Variants in MYCBP2 observed in about 807,000 individuals in gnomAD.
MYCBP2 encodes MYC binding protein 2.
Under a neutral mutation model 525.3 loss-of-function variants are expected in MYCBP2, and 120 were observed. The observed-to-expected ratio is 0.23, with a 90% CI of 0.20 to 0.27. MYCBP2 has a LOEUF of 0.27. Among genes scored for constraint, MYCBP2 ranks in the 10% least tolerant of loss-of-function variants. The probability of loss-of-function intolerance (pLI) is 1.00; values close to 1 mark genes in which losing one functional copy is unlikely to be tolerated. For synonymous variants in MYCBP2, 1,894 were observed against 1,955.8 expected (o/e 0.97, Z 0.83); for missense variants, 4,149 against 5,657.1 (o/e 0.73, Z 8.55).
intron 52 of MYCBP2, chr13:77,129,651 T>C (rs1005428124): frequency 2.6e-5 from 4 of 152,476 alleles, no homozygotes; most frequent in Admixed American, 6.6e-5. Flanking sequence ...AATGCAATTA[T>C]CATTATGAAT....
intron 8 of MYCBP2, among the ~76,000 whole-genome samples, chr13:77,266,367 G>T (rs2074077169): frequency 6.6e-6 from 1 of 152,020 alleles, no homozygotes; most frequent in Non-Finnish European, 1.5e-5. Context: ...AATATATTTT[G>T]TAACATTTAA....
At position 77,261,385 on chromosome 13, in the gene MYCBP2, TA is replaced by T. The variant is rs11436373; in HGVS notation, c.1648-11del. ...TGCCAGTGTAATATATCTTATGTAT[TA>T]AAAAAAAAAAGGAATTATGGTACTT... On this transcript the variant is annotated splice_polypyrimidine_tract_variant and intron_variant, in intron 11 of 82. Coordinates refer to ENST00000544440, the MANE Select transcript of MYCBP2 (RefSeq NM_015057.5). 4,969 of 1,241,978 alleles carry T rather than the reference TA, an allele frequency of 4.0e-3. No homozygotes were observed. The highest frequency in any genetic ancestry group is 0.016 in the South Asian group (1,112 of 68,794). 76.9% of individuals were successfully genotyped at this position (1,241,978 alleles called of 1,614,324 possible).
At position 77,166,423 on chromosome 13, in the gene MYCBP2, T is replaced by C. The variant is rs2058523184; in HGVS notation, c.6246A>G (p.Lys2082=). 6.2e-7 allele frequency: 1 copy of C among 1,613,872 alleles called. No individual in the cohort carries two copies. Among genetic ancestry groups the C allele is most frequent in the Admixed American group, 1.7e-5 (1 of 59,992 alleles). Residue 2082 remains lysine (K), a synonymous_variant, in exon 41 of 83, where the codon AAA becomes AAG. Transcript: ENST00000544440. ...TAAGATTTTCATGAACAGATGTCAA[T>C]TTTGGTCCATATCCTGAATTCTGAA... ...RTVQNSGYGP[K]LTSVHENLNS...
Position 77,194,189 on chromosome 13 carries a change from G to A in MYCBP2, c.3899C>T (p.Ala1300Val). Residue 1300 changes from alanine to valine, a missense_variant, in exon 27 of 83, where the codon GCA (alanine) becomes GTA (valine). This residue lies in a region of MYCBP2 where 620 missense variants were observed against 795.5 expected (regional missense o/e 0.78). Coordinates refer to ENST00000544440, the MANE Select transcript of MYCBP2 (RefSeq NM_015057.5). Reference sequence around the variant, plus strand: ...GTCATAAGCCAATACATCAGTCTCTGCAAGAAGGTCACCATCAGTTTCATG... The same window carrying A: ...GTCATAAGCCAATACATCAGTCTCTACAAGAAGGTCACCATCAGTTTCATG... ...GDHETDGDLLAETDVLAYDCA... is the reference protein window; with the variant it reads ...GDHETDGDLLVETDVLAYDCA... 1 of 1,613,428 alleles carries A rather than the reference G, an allele frequency of 6.2e-7. No homozygotes were observed. The highest frequency in any genetic ancestry group is 8.5e-7 in the Non-Finnish European group (1 of 1,179,590).
intron 1 of MYCBP2, among the ~76,000 whole-genome samples, chr13:77,320,155 T>C (rs1042663079): frequency 6.6e-6 from 1 of 152,196 alleles, no homozygotes; most frequent in Non-Finnish European, 1.5e-5. Context: ...AGATATTAGA[T>C]GTAAACTGCC....
chr13:77,074,725 A>G (rs2041994515), intron 68 of MYCBP2, among the ~76,000 whole-genome samples: 1 of 152,238 alleles, frequency 6.6e-6, no homozygotes, highest in African/African-American at 2.4e-5. Flanking sequence ...AAATCTCAAA[A>G]GCATTACACT....
Position 77,061,655 on chromosome 13 carries a change from T to C in MYCBP2, c.12903+7A>G, listed in dbSNP as rs1053648913. 4 of 1,608,638 alleles carry C rather than the reference T, an allele frequency of 2.5e-6. No homozygotes were observed. Among genetic ancestry groups the C allele is most frequent in the Admixed American group, 1.7e-5 (1 of 59,198 alleles). ...ATATTTTATGCTCCAGAGACAAAAA[T>C]CTTCACCTGTCTTTGATGAGTTTTG... On this transcript the variant is annotated splice_region_variant and intron_variant, in intron 75 of 82. Transcript: ENST00000544440.
chr13:77,267,565 C>T (rs1186037545), intron 8 of MYCBP2, among the ~76,000 whole-genome samples: 1 of 152,088 alleles, frequency 6.6e-6, no homozygotes, highest in Non-Finnish European at 1.5e-5. Flanking sequence ...AGTTACATCA[C>T]CCCACTAATT....
In MYCBP2 at chr13:77,175,379, GA is replaced by G. The variant is rs576165429; in HGVS notation, c.5473-891del. ...GAAATATATAGGCAAACAGACATGA[GA>G]AAAAAAACCCATAGGAAAAAAGCTG... On this transcript the variant is annotated intron_variant, in intron 36 of 82. Transcript: ENST00000544440. Among the ~76,000 whole-genome samples, 116 of 151,408 alleles carry G rather than the reference GA, an allele frequency of 7.7e-4. 2 individuals are homozygous for G. The South Asian group carries it at 0.023, about 30-fold the overall frequency.
At chr13:77,259,070 C>T (rs567029279) in intron 13 of MYCBP2, among the ~76,000 whole-genome samples, 1 of 152,244 alleles carries the variant, frequency 6.6e-6, no homozygotes, top group South Asian at 2.1e-4. Context: ...GCCTGGCCAA[C>T]ACAGTGAAAC....
rs1173651526 is a variant in MYCBP2 at position 77,150,878 on chromosome 13, T to C, written c.6987A>G (p.Gln2329=). The change falls in exon 47 of 83, where the codon CAA becomes CAG. Residue 2329 remains glutamine (Q), a synonymous_variant. Transcript: ENST00000544440. ...TTACTGCAGGACTGCCAGGAATCCT[T>C]TGAGGTTTCTTTGCTTGATCTTGTT... ...SLQQDQAKKP[Q]RIPGSPAVTA... is the part of the protein sequence containing the mutation. 2 of 1,614,144 alleles carry C rather than the reference T, an allele frequency of 1.2e-6. No homozygotes were observed. Among genetic ancestry groups the C allele is most frequent in the Admixed American group, 1.7e-5 (1 of 60,030 alleles).
intron 31 of MYCBP2, 151 bp downstream of exon 31, chr13:77,185,720 A>G: frequency 3.4e-6 from 2 of 590,678 alleles, no homozygotes. Context: ...AAGCAAATAC[A>G]TAAGCATCAT....
intron 52 of MYCBP2, among the ~76,000 whole-genome samples, chr13:77,127,099 T>C (rs2051808765): frequency 6.6e-6 from 1 of 152,058 alleles, no homozygotes; most frequent in African/African-American, 2.4e-5. Context: ...TAGTTATGAA[T>C]GAAATATTGA....
intron 26 of MYCBP2, among the ~76,000 whole-genome samples, chr13:77,203,226 T>C (rs2062846481): frequency 6.6e-6 from 1 of 152,084 alleles, no homozygotes; most frequent in South Asian, 2.1e-4. Context: ...TGTACAAAAA[T>C]CATAAGCATT....
At chr13:77,245,865 CAT>C (rs1365003672) in intron 15 of MYCBP2, among the ~76,000 whole-genome samples, 7 of 121,452 alleles carry the variant, frequency 5.8e-5, no homozygotes, top group East Asian at 4.3e-4. Flanking sequence ...CACACACACA[CAT>C]ATATATACAC....
intron 62 of MYCBP2, among the ~76,000 whole-genome samples, chr13:77,086,355 T>C (rs1382624845): frequency 6.6e-6 from 1 of 152,288 alleles, no homozygotes; most frequent in South Asian, 2.1e-4. Context: ...CTAATATTTT[T>C]TTCTGTGGCT....
At chr13:77,086,292 T>G (rs990638792) in intron 62 of MYCBP2, among the ~76,000 whole-genome samples, 18 of 152,096 alleles carry the variant, frequency 1.2e-4, no homozygotes, top group Admixed American at 6.6e-4. Context: ...TTTTAACTTG[T>G]AATGTTGCTA....
Position 77,264,006 on chromosome 13 carries a change from T to C in MYCBP2, c.1358-4A>G, listed in dbSNP as rs1442662045. The C allele has an allele frequency of 1.2e-6, 2 of 1,610,278 alleles. No homozygotes were observed. The highest frequency in any genetic ancestry group is 3.3e-5 in the Admixed American group (2 of 59,706). ...TTTTGACCTTCAGTGTGGCAATCTG[T>C]GCAAAAGAAAAAGTATTTATATTAC... On this transcript the variant is annotated splice_region_variant and splice_polypyrimidine_tract_variant and intron_variant, in intron 8 of 82. Transcript: ENST00000544440.
intron 3 of MYCBP2, among the ~76,000 whole-genome samples, chr13:77,285,884 G>GAAAGGAAAGA (rs1348406293): frequency 1.3e-5 from 1 of 75,012 alleles, no homozygotes; most frequent in Non-Finnish European, 3.9e-5. Context: ...GAAAGGAAAG[G>GAAAGGAAAGA]AAAGGAAAGG....
Sources: allele counts gnomAD v4.1 joint callset (sites outside exome capture counted in the v4.1 genomes callset), GRCh38; gene constraint gnomAD v4.1.1; regional missense constraint gnomAD v4.1.1; transcripts MANE v1.5; gene names NCBI Gene and HGNC (gene_info 2026-07-23, HGNC 2026-07-21).